Variants in ZCCHC10 observed in about 807,000 individuals in gnomAD.
The protein encoded by ZCCHC10 is zinc finger CCHC-type containing 10.
Under a neutral mutation model 19.5 loss-of-function variants are expected in ZCCHC10, and 16 were observed. The observed-to-expected ratio is 0.82, with a 90% confidence interval of 0.56 to 1.25. ZCCHC10 has a LOEUF of 1.25. Among genes scored for constraint, ZCCHC10 ranks in the 50% most tolerant of loss-of-function variants. ZCCHC10 has a pLI of 0.00. For synonymous variants in ZCCHC10, 67 were observed against 72.5 expected (o/e 0.92, Z 0.38); for missense variants, 197 against 201.0 (o/e 0.98, Z 0.12).
chr5:133,009,279 G>A (rs1440818321), intron 2 of ZCCHC10, among the ~76,000 whole-genome samples: 3 of 151,882 alleles, frequency 2.0e-5, no homozygotes, highest in South Asian at 2.1e-4. Flanking sequence ...CTGGGATTAC[G>A]GGCATGAGCC....
intron 2 of ZCCHC10, among the ~76,000 whole-genome samples, chr5:133,016,523 AC>A (rs1763931914): frequency 6.6e-6 from 1 of 151,666 alleles, no homozygotes; most frequent in Admixed American, 6.6e-5. Flanking sequence ...GCTCACTGCA[AC>A]CTCCGCCTCC....
At chr5:133,001,390 C>CA (rs1387630801) in intron 3 of ZCCHC10, among the ~76,000 whole-genome samples, 1 of 141,800 alleles carries the variant, frequency 7.1e-6, no homozygotes, top group Non-Finnish European at 1.5e-5. Context: ...GACTCTGTCT[C>CA]AAAATAAAAA....
chr5:133,007,196 T>C (rs978869655), intron 2 of ZCCHC10, among the ~76,000 whole-genome samples: 2 of 152,144 alleles, frequency 1.3e-5, no homozygotes, highest in African/African-American at 4.8e-5. Context: ...AAGTCTTTCC[T>C]GTGCTGTTCT....
At chr5:133,025,963 A>G (rs756670640) in intron 1 of ZCCHC10, among the ~76,000 whole-genome samples, 20 of 152,372 alleles carry the variant, frequency 1.3e-4, no homozygotes, top group Non-Finnish European at 2.4e-4. Context: ...GAACGGTAGG[A>G]ACTAAATAAA....
chr5:133,025,020 G>A (rs1764577484), intron 1 of ZCCHC10, among the ~76,000 whole-genome samples: 1 of 151,978 alleles, frequency 6.6e-6, no homozygotes, highest in African/African-American at 2.4e-5. Flanking sequence ...GGCCTGAAAG[G>A]GTAGATGGAA....
chr5:133,017,832 T>C lies in ZCCHC10; in HGVS notation c.107+5009A>G, dbSNP rs146870184. ...ACTCAAAACAATCCAAATTGAACGA[T>C]TGAACGATTCTATACAAAGTTTAAA... On this transcript the variant is annotated intron_variant, in intron 2 of 4. Transcript: ENST00000509437. Among the ~76,000 whole-genome samples the C allele has an allele frequency of 2.7e-3, 408 of 152,192 alleles. 3 individuals are homozygous for C. The highest frequency in any genetic ancestry group is 9.3e-3 in the African/African-American group (388 of 41,546).
intron 2 of ZCCHC10, among the ~76,000 whole-genome samples, chr5:133,009,130 G>A (rs545027697): frequency 6.6e-6 from 1 of 152,124 alleles, no homozygotes; most frequent in African/African-American, 2.4e-5. Flanking sequence ...AGCCTCCTGA[G>A]TAGTTGAGAC....
intron 2 of ZCCHC10, among the ~76,000 whole-genome samples, chr5:133,007,178 A>G (rs766086869): frequency 6.6e-6 from 1 of 152,140 alleles, no homozygotes; most frequent in African/African-American, 2.4e-5. Flanking sequence ...TAACTTAATC[A>G]TAGGGGCAAG....
intron 2 of ZCCHC10, among the ~76,000 whole-genome samples, chr5:133,021,185 G>A (rs4259165): frequency 0.31 from 47,025 of 151,520 alleles, 8,186 homozygotes; most frequent in African/African-American, 0.48. Flanking sequence ...GTGAGCCACC[G>A]CGCACGGCCT....
chr5:133,026,352 C>A (rs1241682194), intron 1 of ZCCHC10, 145 bp downstream of exon 1: 2 of 1,202,500 alleles, frequency 1.7e-6, no homozygotes, highest in Non-Finnish European at 2.4e-6. Context: ...GACTTATCGC[C>A]CGGGCCCGAG....
At chr5:133,021,017 C>G (rs2126648436) in intron 2 of ZCCHC10, among the ~76,000 whole-genome samples, 1 of 152,304 alleles carries the variant, frequency 6.6e-6, no homozygotes, top group East Asian at 1.9e-4. Context: ...CTGCCTCAGC[C>G]TACTGAGTAG....
rs1052506228 is a variant in ZCCHC10, at chr5:133,010,172, G to A, written c.108-3252C>T. Among the ~76,000 whole-genome samples, 7 of 151,228 alleles carry A rather than the reference G, an allele frequency of 4.6e-5. 1 individual carries two copies. The highest frequency in any genetic ancestry group is 6.6e-5 in the Admixed American group (1 of 15,062). On this transcript the variant is annotated intron_variant, in intron 2 of 4. Transcript: ENST00000509437. Reference sequence around the variant, plus strand: ...CAAGCAATTTTCCTGCCTCAGCTTCGGGAGTAGCTGGGACTACAGGCACAC... The same window carrying A: ...CAAGCAATTTTCCTGCCTCAGCTTCAGGAGTAGCTGGGACTACAGGCACAC...
chr5:133,011,660 T>C (rs1156420138), intron 2 of ZCCHC10, among the ~76,000 whole-genome samples: 1 of 119,258 alleles, frequency 8.4e-6, no homozygotes, highest in Non-Finnish European at 1.8e-5. Flanking sequence ...CTGACTGAGA[T>C]AAATTAAATA....
chr5:133,002,602 C>T (rs942296133), intron 3 of ZCCHC10, among the ~76,000 whole-genome samples: 1 of 152,118 alleles, frequency 6.6e-6, no homozygotes, highest in African/African-American at 2.4e-5. Context: ...AAAACTCATA[C>T]TTGCAATTCT....
intron 2 of ZCCHC10, among the ~76,000 whole-genome samples, chr5:133,018,063 T>C (rs1368141874): frequency 1.3e-5 from 2 of 150,068 alleles, no homozygotes; most frequent in Non-Finnish European, 3.0e-5. Flanking sequence ...ATGAATTGCT[T>C]GAAACCAGGA....
At chr5:133,006,656 T>C in intron 3 of ZCCHC10, 103 bp downstream of exon 3, 6 of 1,147,300 alleles carry the variant, frequency 5.2e-6, no homozygotes, top group Non-Finnish European at 7.2e-6. Flanking sequence ...ATTAGTAACA[T>C]TATAATTAAA....
intron 1 of ZCCHC10, among the ~76,000 whole-genome samples, chr5:133,025,928 C>T (rs1054561044): frequency 1.3e-5 from 2 of 152,208 alleles, no homozygotes; most frequent in Non-Finnish European, 2.9e-5. Flanking sequence ...TTGAACACCT[C>T]TATTTATACC....
intron 2 of ZCCHC10, among the ~76,000 whole-genome samples, chr5:133,014,357 T>C (rs1190046117): frequency 6.6e-6 from 1 of 150,952 alleles, no homozygotes; most frequent in Non-Finnish European, 1.5e-5. Flanking sequence ...AAAGGGGGGG[T>C]TTCCTCCATG....
chr5:133,007,639 C>T (rs1763212170), intron 2 of ZCCHC10, among the ~76,000 whole-genome samples: 1 of 152,072 alleles, frequency 6.6e-6, no homozygotes. Flanking sequence ...CTTGTTCCTC[C>T]TTGCCTTCTG....
Sources: gnomAD v4.1 joint callset for allele counts (sites outside exome capture counted in the v4.1 genomes callset) on GRCh38, gnomAD v4.1.1 for gene constraint, MANE v1.5 for transcripts, NCBI Gene and HGNC (gene_info 2026-07-23, HGNC 2026-07-21) for gene names.